The following ADAMTSL1 variants were observed in gnomAD, a reference collection of about 807,000 sequenced individuals.
The protein encoded by ADAMTSL1 is ADAMTS like 1.
A neutral mutation model predicts 201.8 loss-of-function variants in ADAMTSL1; 126 were observed. The observed-to-expected ratio is 0.62, with a 90% CI of 0.54 to 0.72. ADAMTSL1 has a LOEUF of 0.72. Ranked by LOEUF, ADAMTSL1 falls within the 30% of genes least tolerant of loss-of-function variation. The probability of loss-of-function intolerance (pLI) is 0.00; values close to 1 mark genes in which losing one functional copy is unlikely to be tolerated. For missense variants in ADAMTSL1, 2,679 were observed against 2,277.8 expected (o/e 1.18, Z -3.59); for synonymous variants, 1,121 against 903.4 (o/e 1.24, Z -4.32).
chr9:18,178,194 C>A (rs572819440), intron 2 of ADAMTSL1, among the ~76,000 whole-genome samples: 3 of 152,288 alleles, frequency 2.0e-5, no homozygotes, highest in East Asian at 1.9e-4. Flanking sequence ...CGAAGCAGGG[C>A]GAGGCATTGC....
chr9:18,657,856 G>A (rs1344892248), intron 8 of ADAMTSL1, 106 bp downstream of exon 8: 50 of 891,206 alleles, frequency 5.6e-5, no homozygotes, highest in Non-Finnish European at 8.6e-5. Flanking sequence ...GTGCTGTCTT[G>A]GACCAGATCC....
chr9:18,360,344 A>T (rs1322564779), intron 2 of ADAMTSL1, among the ~76,000 whole-genome samples: 1 of 152,190 alleles, frequency 6.6e-6, no homozygotes, highest in Non-Finnish European at 1.5e-5. Flanking sequence ...GAGTCCTGTC[A>T]TGGTTTCAGT....
intron 4 of ADAMTSL1, among the ~76,000 whole-genome samples, chr9:18,614,461 T>C (rs903435043): frequency 2.6e-5 from 4 of 152,158 alleles, no homozygotes; most frequent in South Asian, 4.1e-4. Flanking sequence ...TTTTGTGAAA[T>C]AGACACAATT....
intron 1 of ADAMTSL1, among the ~76,000 whole-genome samples, chr9:18,104,257 G>C (rs564511314): frequency 1.4e-4 from 22 of 152,092 alleles, no homozygotes; most frequent in Non-Finnish European, 2.6e-4. Context: ...TATACCACTA[G>C]CAGTGTAGTC....
intron 2 of ADAMTSL1, among the ~76,000 whole-genome samples, chr9:18,287,486 T>C (rs775968713): frequency 6.6e-6 from 1 of 151,658 alleles, no homozygotes. Flanking sequence ...TTCAGATATG[T>C]AATGCATGTA....
intron 2 of ADAMTSL1, among the ~76,000 whole-genome samples, chr9:18,348,029 A>G (rs1259311479): frequency 3.3e-5 from 5 of 152,306 alleles, no homozygotes; most frequent in African/African-American, 1.2e-4. Context: ...GTTAACTTGA[A>G]AAGTTGAGTT....
intron 8 of ADAMTSL1, among the ~76,000 whole-genome samples, 198 bp from the exon 9 acceptor site, chr9:18,661,737 T>G (rs868606430): frequency 6.6e-6 from 1 of 152,218 alleles, no homozygotes; most frequent in Admixed American, 6.5e-5. Flanking sequence ...TATTAAGATT[T>G]GAGTGGATTA....
chr9:18,886,598 G>T (rs1828917823), intron 23 of ADAMTSL1, among the ~76,000 whole-genome samples: 1 of 152,194 alleles, frequency 6.6e-6, no homozygotes, highest in African/African-American at 2.4e-5. Flanking sequence ...TTTGATATCG[G>T]TGAGGGCTTG....
At chr9:18,209,916 A>G (rs1317976840) in intron 2 of ADAMTSL1, among the ~76,000 whole-genome samples, 1 of 152,088 alleles carries the variant, frequency 6.6e-6, no homozygotes, top group Non-Finnish European at 1.5e-5. Flanking sequence ...TAGGCTGAGG[A>G]TCTCAACAAT....
chr9:18,114,297 A>T (rs550367673), intron 1 of ADAMTSL1, among the ~76,000 whole-genome samples: 1 of 152,340 alleles, frequency 6.6e-6, no homozygotes, highest in Non-Finnish European at 1.5e-5. Flanking sequence ...ACAGCTACGG[A>T]TAAAGCTATG....
intron 19 of ADAMTSL1, among the ~76,000 whole-genome samples, chr9:18,791,720 A>G (rs547055711): frequency 5.8e-4 from 88 of 152,286 alleles, no homozygotes; most frequent in African/African-American, 2.1e-3. Flanking sequence ...GACTGTTTTT[A>G]TGAAAATAAA....
At chr9:18,319,726 G>T (rs1266210862) in intron 2 of ADAMTSL1, among the ~76,000 whole-genome samples, 3 of 152,168 alleles carry the variant, frequency 2.0e-5, no homozygotes, top group Non-Finnish European at 4.4e-5. Flanking sequence ...TGGCAGGTGA[G>T]TTCTCACCAG....
At chr9:18,807,166 T>G (rs1175651005) in intron 20 of ADAMTSL1, among the ~76,000 whole-genome samples, 3 of 152,238 alleles carry the variant, frequency 2.0e-5, no homozygotes, top group Non-Finnish European at 2.9e-5. Flanking sequence ...CCTTATTTTT[T>G]CTTCAATTTA....
At chr9:18,804,483 A>T (rs1442550096) in intron 20 of ADAMTSL1, among the ~76,000 whole-genome samples, 1 of 152,180 alleles carries the variant, frequency 6.6e-6, no homozygotes, top group African/African-American at 2.4e-5. Flanking sequence ...GGAAAACTAG[A>T]CTAAGAAAAG....
chr9:18,690,771 A>G (rs556700188), intron 13 of ADAMTSL1, among the ~76,000 whole-genome samples: 3 of 152,276 alleles, frequency 2.0e-5, no homozygotes, highest in Admixed American at 1.3e-4. Flanking sequence ...TCTCACTTCC[A>G]ACACCTTCCT....
chr9:18,454,721 T>C (rs1820537777), intron 2 of ADAMTSL1, among the ~76,000 whole-genome samples: 1 of 152,214 alleles, frequency 6.6e-6, no homozygotes, highest in South Asian at 2.1e-4. Flanking sequence ...TTCCACCTTT[T>C]TAAAATAATG....
At chr9:18,401,733 T>C (rs1817993633) in intron 2 of ADAMTSL1, among the ~76,000 whole-genome samples, 1 of 152,172 alleles carries the variant, frequency 6.6e-6, no homozygotes, top group South Asian at 2.1e-4. Context: ...ACTCTCATAT[T>C]GATATATTAC....
intron 2 of ADAMTSL1, among the ~76,000 whole-genome samples, chr9:18,191,026 C>G (rs1454672104): frequency 6.6e-6 from 1 of 152,128 alleles, no homozygotes; most frequent in Non-Finnish European, 1.5e-5. Flanking sequence ...AAATTATCCT[C>G]TCATAATTGT....
intron 7 of ADAMTSL1, among the ~76,000 whole-genome samples, chr9:18,640,916 C>T (rs1015092384): frequency 3.3e-5 from 5 of 152,006 alleles, no homozygotes; most frequent in Non-Finnish European, 7.4e-5. Flanking sequence ...AGTGCGTTTC[C>T]TAAAATCCCT....
Sources: allele counts gnomAD v4.1 joint callset (sites outside exome capture counted in the v4.1 genomes callset), GRCh38; gene constraint gnomAD v4.1.1; transcripts MANE v1.5; gene names NCBI Gene and HGNC (gene_info 2026-07-23, HGNC 2026-07-21).